GSKIP: variants seen among roughly 807,000 people sequenced by gnomAD.
GSKIP encodes GSK3B interacting protein.
Under a neutral mutation model 11.9 loss-of-function variants are expected in GSKIP, and 5 were observed. That is an observed-to-expected ratio of 0.42 (90% CI 0.22 to 0.89). GSKIP has a LOEUF of 0.89. Ranked by LOEUF, GSKIP falls within the 40% of genes least tolerant of loss-of-function variation. The probability of loss-of-function intolerance (pLI) is 0.29; values close to 1 mark genes in which losing one functional copy is unlikely to be tolerated. For missense variants in GSKIP, 150 were observed against 166.6 expected, an observed-to-expected ratio of 0.90 and a Z score of 0.55; for synonymous variants, 70 against 62.9, an observed-to-expected ratio of 1.11 and a Z score of -0.54.
At position 96,367,131 on chromosome 14, in the gene GSKIP, T is replaced by C. The variant is rs191948284; in HGVS notation, c.-103+3563T>C. ...GTTAAATACTTTTAATATAATAGAT[T>C]ATATTTTTTCAGCTGTTTGCCCAGC... On this transcript the variant is annotated intron_variant, in intron 1 of 3. Transcript: ENST00000555181. Among the ~76,000 whole-genome samples the C allele has an allele frequency of 1.8e-3, 267 of 152,328 alleles. 2 individuals are homozygous for C. The highest frequency in any genetic ancestry group is 6.2e-3 in the African/African-American group (259 of 41,568).
At chr14:96,372,280 G>A (rs1427979028) in intron 1 of GSKIP, among the ~76,000 whole-genome samples, 1 of 152,156 alleles carries the variant, frequency 6.6e-6, no homozygotes, top group African/African-American at 2.4e-5. Context: ...ATGAAGTCCT[G>A]CTTTATGCCA....
rs994133597 is a variant in GSKIP, at chr14:96,386,327, A to T, written c.*643A>T. 6.6e-6 allele frequency: 1 copy of T among 152,642 alleles called. No individual in the cohort carries two copies. Among genetic ancestry groups the T allele is most frequent in the Non-Finnish European group, 1.5e-5 (1 of 68,036 alleles). The allele number at this position is 152,642 out of a possible 1,614,324, so 9.5% of individuals were successfully genotyped here. A position where few individuals can be genotyped will look rare whatever the true frequency, so the allele number is the denominator to read the frequency against. ...GTTTGCAACAGCCAGCCAACTAAGC[A>T]GAGGATAAACCGTTAGCAAATGAAT... is the stretch of plus-strand genomic sequence containing the variant. On this transcript the variant is annotated 3_prime_UTR_variant, in exon 4 of 4. Coordinates refer to ENST00000555181, the MANE Select transcript of GSKIP (RefSeq NM_016472.5).
intron 1 of GSKIP, among the ~76,000 whole-genome samples, chr14:96,369,604 G>A (rs1888989531): frequency 6.6e-6 from 1 of 152,198 alleles, no homozygotes; most frequent in Admixed American, 6.5e-5. Context: ...AAGGGCTCCA[G>A]GTACTCAGCT....
At chr14:96,385,129 A>G (rs1889456132) in intron 3 of GSKIP, among the ~76,000 whole-genome samples, 1 of 152,178 alleles carries the variant, frequency 6.6e-6, no homozygotes. Flanking sequence ...GACCCTCAAT[A>G]TATGTGGAAT....
intron 1 of GSKIP, chr14:96,378,918 C>T (rs1889273415): frequency 6.6e-6 from 1 of 152,304 alleles, no homozygotes; most frequent in Middle Eastern, 3.2e-3. Flanking sequence ...TCTCTTGGCT[C>T]TGTTTTTTTC....
chr14:96,374,723 G>T (rs767963108), intron 1 of GSKIP, among the ~76,000 whole-genome samples: 3 of 151,960 alleles, frequency 2.0e-5, no homozygotes, highest in Non-Finnish European at 4.4e-5. Context: ...TCTCTACCCA[G>T]CAAAAACATC....
intron 1 of GSKIP, among the ~76,000 whole-genome samples, chr14:96,373,051 G>A (rs1332484128): frequency 1.3e-5 from 2 of 151,948 alleles, no homozygotes; most frequent in Non-Finnish European, 2.9e-5. Context: ...CCAACATGAT[G>A]AAACCCCGTC....
chr14:96,366,834 CCA>C (rs1204699968), intron 1 of GSKIP, among the ~76,000 whole-genome samples: 1 of 152,174 alleles, frequency 6.6e-6, no homozygotes. Context: ...AGGCTGTATG[CCA>C]GAGGCTAAAT....
At position 96,382,408 on chromosome 14, in the gene GSKIP, C is replaced by T. The variant is rs773521710; in HGVS notation, c.161C>T (p.Ser54Leu). The part of the protein sequence containing the change: ...VLFAVNNMFV[S>L]KSLRCADDVA... ...TTTGCTGTTAACAACATGTTTGTCT[C>T]GAAAAGCCTGCGGTGTGCGGATGAT... Residue 54 changes from serine (S) to leucine (L), a missense_variant, in exon 3 of 4, where the codon TCG becomes TTG. Physicochemically the swap from Ser to Leu is moderately radical, Grantham distance 145 (BLOSUM62 -2). Coordinates refer to ENST00000555181, the MANE Select transcript of GSKIP (RefSeq NM_016472.5). 3.1e-6 allele frequency: 5 copies of T among 1,613,580 alleles called. No homozygotes were observed. The highest frequency in any genetic ancestry group is 2.2e-5 in the South Asian group (2 of 91,066).
At chr14:96,379,072 C>T (rs1324045577) in intron 1 of GSKIP, 2 of 152,614 alleles carry the variant, frequency 1.3e-5, no homozygotes, top group Non-Finnish European at 2.9e-5. Flanking sequence ...AATCCCAGCA[C>T]TTTGGGAGGC....
chr14:96,379,690 C>T lies in GSKIP; in HGVS notation c.-100C>T, dbSNP rs1037816278. On this transcript the variant is annotated splice_region_variant and 5_prime_UTR_variant, in exon 2 of 4. Coordinates refer to ENST00000555181, the MANE Select transcript of GSKIP (RefSeq NM_016472.5). Reference sequence around the variant, plus strand: ...AGGTGTCTTCCTCTTTTTTGCAGCTCGGTGCTGATTATCACAACTGTTTGG... The same window carrying T: ...AGGTGTCTTCCTCTTTTTTGCAGCTTGGTGCTGATTATCACAACTGTTTGG... The T allele has an allele frequency of 9.9e-5, 15 of 152,102 alleles. No individual in the cohort carries two copies. The highest frequency in any genetic ancestry group is 2.9e-4 in the African/African-American group (12 of 41,516). 9.4% of individuals were successfully genotyped at this position (152,102 alleles called of 1,614,324 possible). A position where few individuals can be genotyped will look rare whatever the true frequency, so the allele number is the denominator to read the frequency against.
intron 1 of GSKIP, among the ~76,000 whole-genome samples, chr14:96,366,761 A>G (rs1411927734): frequency 1.3e-5 from 2 of 152,226 alleles, no homozygotes; most frequent in African/African-American, 4.8e-5. Context: ...AAAGAAAATA[A>G]TTACCCAACC....
intron 1 of GSKIP, among the ~76,000 whole-genome samples, chr14:96,378,529 C>G (rs1255300952): frequency 1.3e-5 from 2 of 152,196 alleles, no homozygotes; most frequent in Non-Finnish European, 2.9e-5. Context: ...TTTTAGACTT[C>G]TCATCTCCAG....
At chr14:96,380,816 C>T (rs1485471354) in intron 2 of GSKIP, among the ~76,000 whole-genome samples, 2 of 152,168 alleles carry the variant, frequency 1.3e-5, no homozygotes, top group Non-Finnish European at 2.9e-5. Flanking sequence ...GCACAGTGAT[C>T]ACACCTGTGA....
At chr14:96,382,163 G>A in intron 2 of GSKIP, 84 bp from the exon 3 acceptor site, 1 of 895,362 alleles carries the variant, frequency 1.1e-6, no homozygotes, top group South Asian at 1.8e-5. Flanking sequence ...GCAATTGTAA[G>A]GCATAGCTAA....
chr14:96,367,287 A>T (rs914887249), intron 1 of GSKIP, among the ~76,000 whole-genome samples: 3 of 152,218 alleles, frequency 2.0e-5, no homozygotes, highest in Non-Finnish European at 2.9e-5. Flanking sequence ...TCTTTTTCCA[A>T]GTCCCAGAGT....
chr14:96,385,723 G>C lies in GSKIP; in HGVS notation c.*39G>C, dbSNP rs570278389. The C allele has an allele frequency of 1.7e-5, 26 of 1,543,974 alleles. 1 individual carries two copies. In the South Asian group the frequency reaches 2.4e-4, roughly 15 times the overall value. Reference sequence around the variant, plus strand: ...TTTCAGAGGGGCTGGTGCTGGTACAGAATGTTGATATAAAGCTTAAAATTC... The same window carrying C: ...TTTCAGAGGGGCTGGTGCTGGTACACAATGTTGATATAAAGCTTAAAATTC... On this transcript the variant is annotated 3_prime_UTR_variant, in exon 4 of 4. Transcript: ENST00000555181.
At position 96,385,653 on chromosome 14, in the gene GSKIP, TG is replaced by T; in HGVS notation, c.391del (p.Glu131LysfsTer3). On this transcript the variant is annotated frameshift_variant, in exon 4 of 4. Transcript: ENST00000555181. LOFTEE classifies it high-confidence loss of function. ...EAFGNALLQRLEALKRDGQS is the reference protein window; with the variant it reads ...EAFGNALLQRXEALKRDGQS ...TTTGGAAACGCACTGCTTCAAAGAC[TG>T]GAAGCTTTGAAAAGAGATGGACAGT... The T allele has an allele frequency of 6.2e-7, 1 of 1,613,216 alleles. No homozygotes were observed. The highest frequency in any genetic ancestry group is 8.5e-7 in the Non-Finnish European group (1 of 1,179,668).
At chr14:96,379,532 TTAAAA>T (rs1278156156) in intron 1 of GSKIP, among the ~76,000 whole-genome samples, 151 bp from the exon 2 acceptor site, 13 of 152,232 alleles carry the variant, frequency 8.5e-5, no homozygotes, top group Non-Finnish European at 1.8e-4. Flanking sequence ...TAATCATACC[TTAAAA>T]TAATAGCTAA....
Sources: gnomAD v4.1 joint callset for allele counts (sites outside exome capture counted in the v4.1 genomes callset) on GRCh38, gnomAD v4.1.1 for gene constraint, MANE v1.5 for transcripts, NCBI Gene and HGNC (gene_info 2026-07-23, HGNC 2026-07-21) for gene names.